Variants in CA10 observed in about 807,000 individuals in gnomAD.
CA10 encodes carbonic anhydrase 10 (inactive).
A neutral mutation model predicts 44.2 loss-of-function variants in CA10; 14 were observed. The ratio of observed to expected loss-of-function variants is 0.32; its 90% CI spans 0.21 to 0.50. The LOEUF (loss-of-function observed/expected upper bound fraction) is 0.50. CA10 is among the 20% of genes least tolerant of loss of function. The probability of loss-of-function intolerance (pLI) is 0.99; values close to 1 mark genes in which losing one functional copy is unlikely to be tolerated. For synonymous variants in CA10, 159 were observed against 141.6 expected, an observed-to-expected ratio of 1.12 and a Z score of -0.87; for missense variants, 350 against 409.7, an observed-to-expected ratio of 0.85 and a Z score of 1.26.
intron 2 of CA10, among the ~76,000 whole-genome samples, chr17:51,931,640 C>T (rs1982664565): frequency 6.6e-6 from 1 of 152,026 alleles, no homozygotes. Context: ...TTTATGAGCC[C>T]CCTAATCAAT....
chr17:51,997,246 T>C (rs1985269350), intron 2 of CA10, among the ~76,000 whole-genome samples: 1 of 152,132 alleles, frequency 6.6e-6, no homozygotes, highest in Non-Finnish European at 1.5e-5. Context: ...GTTGGCTATA[T>C]TTTTCTGCAC....
chr17:51,800,913 G>C (rs955689199), intron 3 of CA10, among the ~76,000 whole-genome samples: 1 of 152,064 alleles, frequency 6.6e-6, no homozygotes, highest in Non-Finnish European at 1.5e-5. Context: ...TCGGCAGGTG[G>C]GCCCAGAAGA....
chr17:52,030,142 T>A (rs1391641058), intron 2 of CA10, among the ~76,000 whole-genome samples: 1 of 152,208 alleles, frequency 6.6e-6, no homozygotes, highest in Non-Finnish European at 1.5e-5. Context: ...TGGCTGCCCC[T>A]GATGATCACA....
intron 2 of CA10, among the ~76,000 whole-genome samples, chr17:51,959,480 G>C (rs1812121223): frequency 6.6e-6 from 1 of 152,060 alleles, no homozygotes; most frequent in South Asian, 2.1e-4. Context: ...GGACTAGAGA[G>C]TGAAGAGAAA....
rs1983347565 is a variant in CA10 at position 51,947,966 on chromosome 17, C to A, written c.137-16834G>T. Among the ~76,000 whole-genome samples the A allele has an allele frequency of 2.0e-5, 3 of 152,024 alleles. No homozygotes were observed. In the South Asian group the frequency reaches 6.2e-4, roughly 32 times the overall value. On this transcript the variant is annotated intron_variant, in intron 2 of 8. Coordinates refer to ENST00000451037, the MANE Select transcript of CA10 (RefSeq NM_020178.5). The stretch of plus-strand genomic sequence containing the variant: ...AAAGAAAAAGTAGCTGGGGATAGAC[C>A]AAACCCACATATCTAGATTCATTCT...
intron 3 of CA10, among the ~76,000 whole-genome samples, chr17:51,877,443 T>C (rs942520591): frequency 1.3e-5 from 2 of 152,202 alleles, no homozygotes; most frequent in African/African-American, 2.4e-5. Context: ...GAGTGAATGA[T>C]TGCTACTATT....
intron 3 of CA10, among the ~76,000 whole-genome samples, chr17:51,816,764 T>C (rs976944535): frequency 6.6e-6 from 1 of 152,210 alleles, no homozygotes. Flanking sequence ...ATATTACAAA[T>C]TTGTTGTATA....
intron 3 of CA10, among the ~76,000 whole-genome samples, chr17:51,901,053 C>A (rs572720611): frequency 6.6e-6 from 1 of 152,250 alleles, no homozygotes; most frequent in South Asian, 2.1e-4. Context: ...TGCTGGAGAA[C>A]CAGTGCAGTT....
At chr17:52,129,603 C>T (rs1006200339) in intron 1 of CA10, among the ~76,000 whole-genome samples, 4 of 152,088 alleles carry the variant, frequency 2.6e-5, no homozygotes, top group Non-Finnish European at 5.9e-5. Context: ...TCATGTGATC[C>T]TTTTATAGTA....
chr17:52,010,531 C>T (rs1396824613), intron 2 of CA10, among the ~76,000 whole-genome samples: 2 of 151,798 alleles, frequency 1.3e-5, no homozygotes, highest in Non-Finnish European at 2.9e-5. Flanking sequence ...GAAAGGAAAA[C>T]CAAACATAGT....
At chr17:52,048,474 A>C (rs1288761604) in intron 2 of CA10, among the ~76,000 whole-genome samples, 1 of 152,064 alleles carries the variant, frequency 6.6e-6, no homozygotes, top group Admixed American at 6.6e-5. Flanking sequence ...GTCTGTACAC[A>C]CAAATTCCTA....
chr17:51,970,607 T>C (rs1439441055), intron 2 of CA10, among the ~76,000 whole-genome samples: 2 of 152,100 alleles, frequency 1.3e-5, no homozygotes, highest in African/African-American at 4.8e-5. Context: ...CAGAATTATT[T>C]GAACCATTAA....
chr17:52,121,846 C>T (rs968552074), intron 1 of CA10, among the ~76,000 whole-genome samples: 2 of 152,310 alleles, frequency 1.3e-5, no homozygotes. Flanking sequence ...GCCTTCTCAT[C>T]CAATGGCCTC....
chr17:51,763,658 T>C (rs1905276298), intron 3 of CA10, among the ~76,000 whole-genome samples: 1 of 152,226 alleles, frequency 6.6e-6, no homozygotes, highest in Admixed American at 6.5e-5. Flanking sequence ...ATTTCTGCTA[T>C]GCAATCCCCC....
intron 1 of CA10, among the ~76,000 whole-genome samples, chr17:52,098,864 G>A (rs1325439708): frequency 6.6e-6 from 1 of 152,150 alleles, no homozygotes; most frequent in Non-Finnish European, 1.5e-5. Context: ...TCTTTACAAT[G>A]TTTCATTCAT....
intron 4 of CA10, among the ~76,000 whole-genome samples, chr17:51,656,467 T>C (rs922404664): frequency 2.6e-5 from 4 of 152,236 alleles, no homozygotes; most frequent in African/African-American, 4.8e-5. Flanking sequence ...TGGCTAGGAT[T>C]CTGATATCAG....
At chr17:51,877,614 T>G (rs1980136385) in intron 3 of CA10, among the ~76,000 whole-genome samples, 1 of 152,144 alleles carries the variant, frequency 6.6e-6, no homozygotes, top group South Asian at 2.1e-4. Flanking sequence ...AAGTACCCAT[T>G]TCATTGACCA....
At chr17:52,065,722 T>C (rs1302504311) in intron 2 of CA10, among the ~76,000 whole-genome samples, 1 of 152,208 alleles carries the variant, frequency 6.6e-6, no homozygotes, top group African/African-American at 2.4e-5. Flanking sequence ...CCCCTGCTGC[T>C]CTCCAAGGCC....
At chr17:51,716,260 T>G (rs768164233) in intron 4 of CA10, among the ~76,000 whole-genome samples, 2 of 151,918 alleles carry the variant, frequency 1.3e-5, no homozygotes, top group Non-Finnish European at 2.9e-5. Flanking sequence ...TGAGATCGAG[T>G]GATATATTAT....
Sources: gnomAD v4.1 joint callset for allele counts (sites outside exome capture counted in the v4.1 genomes callset) on GRCh38, gnomAD v4.1.1 for gene constraint, MANE v1.5 for transcripts, NCBI Gene and HGNC (gene_info 2026-07-23, HGNC 2026-07-21) for gene names.